The following TTC3 variants were observed in gnomAD, a reference collection of about 807,000 sequenced individuals.
TTC3 encodes the protein tetratricopeptide repeat domain 3.
A neutral mutation model predicts 249.6 loss-of-function variants in TTC3; 180 were observed. That is an observed-to-expected ratio of 0.72 (90% confidence interval 0.64 to 0.82). The LOEUF is 0.82. Ranked by LOEUF, TTC3 falls within the 40% of genes least tolerant of loss-of-function variation. The pLI is 0.00. For synonymous variants in TTC3, 717 were observed against 805.0 expected (o/e 0.89, Z 1.85); for missense variants, 2,061 against 2,398.4 (o/e 0.86, Z 2.94).
At chr21:37,085,580 A>G (rs887482490) in intron 1 of TTC3, among the ~76,000 whole-genome samples, 3 of 152,232 alleles carry the variant, frequency 2.0e-5, no homozygotes, top group Admixed American at 6.5e-5. Flanking sequence ...ACTCTTGGCT[A>G]TGGTCAGAGA....
At chr21:37,138,061 A>G (rs1226502077) in intron 18 of TTC3, among the ~76,000 whole-genome samples, 1 of 152,230 alleles carries the variant, frequency 6.6e-6, no homozygotes, top group Non-Finnish European at 1.5e-5. Context: ...AAAAAAGATT[A>G]TGACTCAGTA....
At chr21:37,167,735 G>GAAT in intron 34 of TTC3, 115 bp downstream of exon 34, 1 of 682,422 alleles carries the variant, frequency 1.5e-6, no homozygotes, top group Non-Finnish European at 2.3e-6. Flanking sequence ...AGTTATCATG[G>GAAT]AATAAGCTTG....
At chr21:37,197,695 A>G in exon 43 of TTC3, 1 of 1,605,808 alleles carries the variant, frequency 6.2e-7, no homozygotes, top group Non-Finnish European at 8.5e-7. Flanking sequence ...AAAAAGAAAA[A>G]GGTATTTTAT....
intron 23 of TTC3, 37 bp downstream of exon 23, chr21:37,148,684 A>T (rs2079190906): frequency 7.1e-7 from 1 of 1,402,780 alleles, no homozygotes; most frequent in Non-Finnish European, 9.7e-7. Context: ...TTTTCAGTAT[A>T]CTTATTGTAT....
chr21:37,147,442 A>G, intron 21 of TTC3, 39 bp from the exon 22 acceptor site: 4 of 1,539,212 alleles, frequency 2.6e-6, no homozygotes, highest in Non-Finnish European at 3.5e-6. Context: ...TTGACAGATT[A>G]GTATTGTAAT....
intron 44 of TTC3, among the ~76,000 whole-genome samples, 175 bp from the exon 45 acceptor site, chr21:37,200,057 T>C (rs934352065): frequency 2.0e-5 from 3 of 152,254 alleles, no homozygotes; most frequent in African/African-American, 7.2e-5. Flanking sequence ...TTTATATTTT[T>C]TCTTAAGAAA....
At chr21:37,157,089 C>CT in intron 28 of TTC3, 183 bp downstream of exon 28, 2 of 1,368,008 alleles carry the variant, frequency 1.5e-6, no homozygotes, top group South Asian at 1.3e-5. Flanking sequence ...AGCTTTTTTA[C>CT]TTTATCAGTT....
chr21:37,201,354 G>A (rs562961120), intron 45 of TTC3, 86 bp from the exon 46 acceptor site: 136 of 1,571,680 alleles, frequency 8.7e-5, no homozygotes, highest in South Asian at 1.6e-4. Context: ...AGTGAGCCAC[G>A]CCTGCCAAGG....
At chr21:37,172,353 AT>A (rs2081878659) in intron 34 of TTC3, among the ~76,000 whole-genome samples, 1 of 152,204 alleles carries the variant, frequency 6.6e-6, no homozygotes, top group African/African-American at 2.4e-5. Context: ...TTCAGAACTA[AT>A]TATAGTATAG....
At chr21:37,116,677 G>A (rs1295287895) in intron 11 of TTC3, among the ~76,000 whole-genome samples, 1 of 151,742 alleles carries the variant, frequency 6.6e-6, no homozygotes, top group Non-Finnish European at 1.5e-5. Flanking sequence ...TGGATGTTGT[G>A]GTGCATTCCT....
intron 38 of TTC3, 71 bp from the exon 39 acceptor site, chr21:37,188,424 A>G (rs2083559352): frequency 8.3e-7 from 1 of 1,198,802 alleles, no homozygotes; most frequent in Admixed American, 2.0e-5. Context: ...TGAATGTTTA[A>G]GTTTTAACCT....
chr21:37,109,275 G>A (rs1024048520), intron 11 of TTC3, among the ~76,000 whole-genome samples: 4 of 152,178 alleles, frequency 2.6e-5, no homozygotes, highest in African/African-American at 7.2e-5. Flanking sequence ...TGGCCTCACC[G>A]GGGAAGCGCA....
chr21:37,172,127 A>G (rs1201152705), intron 34 of TTC3, among the ~76,000 whole-genome samples: 1 of 152,240 alleles, frequency 6.6e-6, no homozygotes, highest in Non-Finnish European at 1.5e-5. Context: ...ACAATAATTC[A>G]TAGATAATAT....
intron 34 of TTC3, among the ~76,000 whole-genome samples, chr21:37,169,164 A>T (rs760739878): frequency 5.2e-4 from 79 of 152,236 alleles, no homozygotes; most frequent in Admixed American, 9.2e-4. Flanking sequence ...TGTGACTAAC[A>T]AGAGGCCTGG....
At chr21:37,192,457 A>G (rs1364456872) in intron 41 of TTC3, among the ~76,000 whole-genome samples, 2 of 146,030 alleles carry the variant, frequency 1.4e-5, no homozygotes, top group African/African-American at 5.2e-5. Flanking sequence ...CTACATTTCT[A>G]TCACTCTCAT....
chr21:37,166,662 C>T (rs555275388), intron 33 of TTC3, 47 bp downstream of exon 33: 36 of 1,518,392 alleles, frequency 2.4e-5, no homozygotes, highest in Non-Finnish European at 3.2e-5. Context: ...GTTAAATTTT[C>T]CTTTTCATTT....
At chr21:37,150,331 G>C (rs972462156) in intron 24 of TTC3, among the ~76,000 whole-genome samples, 161 bp downstream of exon 24, 32 of 152,124 alleles carry the variant, frequency 2.1e-4, no homozygotes, top group African/African-American at 7.7e-4. Context: ...ATGTGAGAAT[G>C]CTTCATTGTA....
chr21:37,115,708 C>T (rs1193534408), intron 11 of TTC3, among the ~76,000 whole-genome samples: 2 of 152,200 alleles, frequency 1.3e-5, no homozygotes, highest in African/African-American at 4.8e-5. Context: ...TCTCCAACCT[C>T]ACTGCTCCTG....
chr21:37,143,302 A>G (rs1432600016), intron 20 of TTC3, among the ~76,000 whole-genome samples: 2 of 152,194 alleles, frequency 1.3e-5, no homozygotes, highest in South Asian at 2.1e-4. Context: ...CATCAGAGTG[A>G]ACAGGCAACC....
Sources: gnomAD v4.1 joint callset for allele counts (sites outside exome capture counted in the v4.1 genomes callset) on GRCh38, gnomAD v4.1.1 for gene constraint, MANE v1.5 for transcripts, NCBI Gene and HGNC (gene_info 2026-07-23, HGNC 2026-07-21) for gene names.